The following WASHC5 variants were observed in gnomAD, a reference collection of about 807,000 sequenced individuals.
WASHC5 encodes the protein WASH complex subunit strumpellin.
A neutral mutation model predicts 150.4 loss-of-function variants in WASHC5; 101 were observed. The observed-to-expected ratio is 0.67, with a 90% CI of 0.57 to 0.79. The LOEUF (loss-of-function observed/expected upper bound fraction) is 0.79, where lower values mean the gene tolerates loss of function less well. Ranked by LOEUF, WASHC5 falls within the 30% of genes least tolerant of loss-of-function variation. WASHC5 has a pLI of 0.00. For missense variants in WASHC5, 1,195 were observed against 1,396.3 expected, an observed-to-expected ratio of 0.86 and a Z score of 2.30; for synonymous variants, 467 against 491.2, an observed-to-expected ratio of 0.95 and a Z score of 0.65.
intron 1 of WASHC5, among the ~76,000 whole-genome samples, chr8:125,086,420 A>G (rs547355798): frequency 5.3e-5 from 8 of 152,264 alleles, no homozygotes; most frequent in African/African-American, 1.9e-4. Context: ...GATTACAGGC[A>G]TGAGCTACCA....
intron 17 of WASHC5, among the ~76,000 whole-genome samples, chr8:125,053,099 ATTTC>A (rs1816293644): frequency 7.0e-6 from 1 of 143,598 alleles, no homozygotes; most frequent in African/African-American, 2.7e-5. Flanking sequence ...GACGACCTGT[ATTTC>A]TTTTTTTTTT....
At position 125,091,654 on chromosome 8, in the gene WASHC5, G is replaced by A. The variant is rs1315608577; in HGVS notation, c.-164C>T. The stretch of plus-strand genomic sequence containing the variant: ...GCGCCACGGCGCACGCGCAGGGCCG[G>A]AGGTCGCGCGCGGAGCCGGCACCCA... On this transcript the variant is annotated 5_prime_UTR_variant, in exon 1 of 29. Transcript: ENST00000318410. The A allele has an allele frequency of 6.6e-6, 1 of 152,506 alleles. No homozygotes were observed. The highest frequency in any genetic ancestry group is 2.4e-5 in the African/African-American group (1 of 41,472). 9.4% of individuals were successfully genotyped at this position (152,506 alleles called of 1,614,324 possible).
At chr8:125,081,236 C>CA (rs1554597414) in intron 5 of WASHC5, among the ~76,000 whole-genome samples, 1 of 129,150 alleles carries the variant, frequency 7.7e-6, no homozygotes, top group Non-Finnish European at 1.6e-5. Flanking sequence ...AAGAATCTTA[C>CA]TTTTTTTTTT....
rs1425633360 is a variant in WASHC5, at chr8:125,087,403, GAAC to G, written c.-124-3384_-124-3382del. On this transcript the variant is annotated intron_variant, in intron 1 of 28. Transcript: ENST00000318410. ...TAAAAACCACTAGAAGTCGGTGAGGGAACAACAAGTAGGTGAGGGAACAATCTT... is the reference window on the plus strand; with the variant it reads ...TAAAAACCACTAGAAGTCGGTGAGGGAACAAGTAGGTGAGGGAACAATCTT... 2.6e-5 allele frequency among the ~76,000 whole-genome samples: 4 copies of G among 152,230 alleles called. No individual in the cohort carries two copies. In the East Asian group the frequency reaches 7.7e-4, roughly 29 times the overall value.
At chr8:125,025,518 T>C (rs1438746288) in intron 28 of WASHC5, among the ~76,000 whole-genome samples, 2 of 151,632 alleles carry the variant, frequency 1.3e-5, no homozygotes, top group African/African-American at 2.4e-5. Context: ...AGAAATCCCA[T>C]CTCTACTGAA....
intron 1 of WASHC5, among the ~76,000 whole-genome samples, chr8:125,089,956 A>C (rs12545710): frequency 0.27 from 41,136 of 152,156 alleles, 6,165 homozygotes; most frequent in South Asian, 0.42. Flanking sequence ...ATGCAAAAGC[A>C]TATGAGTTAT....
In WASHC5 at chr8:125,059,459, G is replaced by A. The variant is rs143654828; in HGVS notation, c.1605C>T (p.Ile535=). 408 of 1,613,948 alleles carry A rather than the reference G, an allele frequency of 2.5e-4. No homozygotes were observed. The African/African-American group carries it at 3.3e-3, about 13-fold the overall frequency. Residue 535 remains isoleucine, a synonymous_variant, in exon 13 of 29, where the codon ATC becomes ATT. Coordinates refer to ENST00000318410, the MANE Select transcript of WASHC5 (RefSeq NM_014846.4). ...CCTCCTCTTTAATGTTAATGGTTCT[G>A]ATCATTTGATGAAGAAACTTTCGAG... is the stretch of plus-strand genomic sequence containing the variant. ...ADTRKFLHQM[I]RTINIKEEVL...
At chr8:125,057,522 G>A (rs991785342) in intron 15 of WASHC5, 34 bp downstream of exon 15, 1 of 1,346,126 alleles carries the variant, frequency 7.4e-7, no homozygotes, top group Non-Finnish European at 1.1e-6. Flanking sequence ...CAGTTATCTG[G>A]CAAGAGTAAA....
At position 125,067,692 on chromosome 8, in the gene WASHC5, C is replaced by T. The variant is rs151298198; in HGVS notation, c.1178G>A (p.Arg393His). 3.1e-4 allele frequency: 504 copies of T among 1,613,700 alleles called. No individual in the cohort carries two copies. The highest frequency in any genetic ancestry group is 3.9e-4 in the Non-Finnish European group (463 of 1,179,812). Residue 393 changes from arginine (R) to histidine (H), a missense_variant, in exon 10 of 29, where the codon CGT (arginine) becomes CAT (histidine). Arg to His is a conservative substitution (Grantham distance 29, BLOSUM62 0). Around this residue, in one of 3 missense-constraint regions of WASHC5, gnomAD observed 997 missense variants for 1,168.1 expected, o/e 0.85. Coordinates refer to ENST00000318410, the MANE Select transcript of WASHC5 (RefSeq NM_014846.4). Reference protein sequence around the residue: ...SACDPNNKRLRQIKDQILTDS... With the variant: ...SACDPNNKRLHQIKDQILTDS... ...TGTTAGAATCTGGTCCTTGATTTGA[C>T]GAAGGCGTTTGTTGTTTGGGTCACA...
In WASHC5 at chr8:125,063,570, C is replaced by A. The variant is rs776120407; in HGVS notation, c.1360G>T (p.Ala454Ser). 2.5e-6 allele frequency: 4 copies of A among 1,614,004 alleles called. No individual in the cohort carries two copies. In the East Asian group the frequency reaches 6.7e-5, roughly 27 times the overall value. Residue 454 changes from alanine to serine, a missense_variant, in exon 11 of 29, where the codon GCT (alanine) becomes TCT (serine). Ala to Ser is a moderately conservative substitution (Grantham distance 99). Around this residue, in one of 3 missense-constraint regions of WASHC5, gnomAD observed 997 missense variants for 1,168.1 expected, o/e 0.85. Transcript: ENST00000318410. ...GGTTTCACTCCTGAAAAGACATCAG[C>A]AAGCTCAGTCATCCGCTCCGAACCC... ...KEGSERMTEL[A>S]DVFSGVKPLT... is the part of the protein sequence containing the mutation.
At chr8:125,080,442 G>C (rs943863471) in intron 5 of WASHC5, among the ~76,000 whole-genome samples, 3 of 152,180 alleles carry the variant, frequency 2.0e-5, no homozygotes, top group African/African-American at 7.2e-5. Context: ...AAAGGAAAAG[G>C]CTAGTTGAGG....
chr8:125,039,814 C>T lies in WASHC5; in HGVS notation c.2935G>A (p.Ala979Thr), dbSNP rs368458656. ...ACTTACTTATTGAGATTCTCCAGAG[C>T]AGCTGCCAGATGTTTAGAATCAAAC... ...CRFDSKHLAAALENLNKALLA... is the reference protein window; with the variant it reads ...CRFDSKHLAATLENLNKALLA... Residue 979 changes from alanine (A) to threonine (T), a missense_variant, in exon 24 of 29, where the codon GCT becomes ACT. This residue lies in a region of WASHC5 where 997 missense variants were observed against 1,168.1 expected (regional missense o/e 0.85). Coordinates refer to ENST00000318410, the MANE Select transcript of WASHC5 (RefSeq NM_014846.4). 29 of 1,612,658 alleles carry T rather than the reference C, an allele frequency of 1.8e-5. No homozygotes were observed. Among genetic ancestry groups the T allele is most frequent in the Non-Finnish European group, 2.3e-5 (27 of 1,178,792 alleles).
At position 125,083,849 on chromosome 8, in the gene WASHC5, C is replaced by T. The variant is rs763163919; in HGVS notation, c.50G>A (p.Arg17Lys). The T allele has an allele frequency of 8.1e-6, 13 of 1,613,838 alleles. No individual in the cohort carries two copies. The South Asian group carries it at 9.9e-5, about 12-fold the overall frequency. Residue 17 changes from arginine (R) to lysine (K), a missense_variant, in exon 2 of 29, where the codon AGG becomes AAG. This residue lies in a region of WASHC5 where 195 missense variants were observed against 206.9 expected (regional missense o/e 0.94). Transcript: ENST00000318410. ...ENNLCGQAIL[R>K]IVSCGNAIIA... is the part of the protein sequence containing the mutation. ...GATGGCATTACCACAGGAAACAATC[C>T]TTAGGATTGCTTGGCCACAGAGGTT...
chr8:125,047,154 C>T (rs903906353), intron 20 of WASHC5, 53 bp downstream of exon 20: 2 of 1,608,988 alleles, frequency 1.2e-6, no homozygotes, highest in African/African-American at 2.7e-5. Flanking sequence ...GCCACAGATG[C>T]AGATGAGACT....
At chr8:125,087,479 A>G (rs1409449503) in intron 1 of WASHC5, among the ~76,000 whole-genome samples, 2 of 152,234 alleles carry the variant, frequency 1.3e-5, no homozygotes, top group Non-Finnish European at 2.9e-5. Context: ...CTGTAATCCT[A>G]GTACTTTAGA....
chr8:125,064,776 A>C (rs570831047), intron 10 of WASHC5, among the ~76,000 whole-genome samples: 2 of 152,254 alleles, frequency 1.3e-5, no homozygotes, highest in South Asian at 2.1e-4. Context: ...CATCATAATA[A>C]ATCTTGAAAA....
intron 28 of WASHC5, among the ~76,000 whole-genome samples, chr8:125,025,857 C>A (rs989604451): frequency 4.0e-5 from 6 of 151,800 alleles, no homozygotes; most frequent in Admixed American, 6.6e-5. Context: ...CACACACACA[C>A]AATCAAAATT....
intron 27 of WASHC5, among the ~76,000 whole-genome samples, chr8:125,029,279 C>T (rs553600272): frequency 2.6e-5 from 4 of 152,312 alleles, no homozygotes; most frequent in South Asian, 2.1e-4. Flanking sequence ...GTGATCCACC[C>T]GCCCTGGCCT....
At chr8:125,029,546 T>C (rs1457108216) in intron 27 of WASHC5, among the ~76,000 whole-genome samples, 1 of 152,232 alleles carries the variant, frequency 6.6e-6, no homozygotes, top group Non-Finnish European at 1.5e-5. Context: ...CTCCAGCATC[T>C]GGAAATGTGC....
Sources: gnomAD v4.1 joint callset for allele counts (sites outside exome capture counted in the v4.1 genomes callset) on GRCh38, gnomAD v4.1.1 for gene constraint, gnomAD v4.1.1 regional missense constraint, MANE v1.5 for transcripts, NCBI Gene and HGNC (gene_info 2026-07-23, HGNC 2026-07-21) for gene names.